PDE4D: variants seen among roughly 807,000 people sequenced by gnomAD.
PDE4D encodes 3',5'-cyclic-AMP phosphodiesterase 4D.
A neutral mutation model predicts 87.4 loss-of-function variants in PDE4D; 24 were observed. The ratio of observed to expected loss-of-function variants is 0.27; its 90% CI spans 0.20 to 0.39. The LOEUF is 0.39. Ranked by LOEUF, PDE4D falls within the 10% of genes least tolerant of loss-of-function variation. PDE4D has a pLI of 1.00. For missense variants in PDE4D, 714 were observed against 1,041.0 expected (o/e 0.69, Z 4.32); for synonymous variants, 384 against 383.2 (o/e 1.00, Z -0.02).
rs187669950 is a variant in PDE4D, at chr5:59,977,726, G to A, written c.272+10762C>T. ...ACAAAATAGCCTTCTATTGGGAGAA[G>A]ATACCATCTACAACTTTCATAGCTA... On this transcript the variant is annotated intron_variant, in intron 3 of 16. Coordinates refer to the PDE4D transcript ENST00000502484. 2.6e-5 allele frequency among the ~76,000 whole-genome samples: 4 copies of A among 152,318 alleles called. No individual in the cohort carries two copies. In the East Asian group the frequency reaches 7.7e-4, roughly 29 times the overall value.
intron 2 of PDE4D, among the ~76,000 whole-genome samples, chr5:60,112,972 T>A (rs1395969042): frequency 1.3e-5 from 2 of 152,082 alleles, no homozygotes; most frequent in African/African-American, 4.8e-5. Context: ...AGGGTGAGGG[T>A]TGGGCATCCA....
chr5:60,156,131 G>T (rs1399472613), intron 2 of PDE4D, among the ~76,000 whole-genome samples: 3 of 152,154 alleles, frequency 2.0e-5, no homozygotes, highest in African/African-American at 7.2e-5. Flanking sequence ...TGGAACCTGG[G>T]CTAGCCACAG....
intron 2 of PDE4D, among the ~76,000 whole-genome samples, chr5:60,110,223 T>C (rs1239888461): frequency 6.6e-6 from 1 of 152,006 alleles, no homozygotes; most frequent in Admixed American, 6.6e-5. Context: ...CAATCAACAG[T>C]GTGAAGAGAC....
chr5:59,257,001 A>G (rs2153532983), intron 1 of PDE4D, among the ~76,000 whole-genome samples: 1 of 152,184 alleles, frequency 6.6e-6, no homozygotes, highest in East Asian at 1.9e-4. Context: ...ATTATGCTCC[A>G]TTTTGTATAA....
chr5:60,177,622 G>T (rs1323911907), intron 2 of PDE4D, among the ~76,000 whole-genome samples: 3 of 152,090 alleles, frequency 2.0e-5, no homozygotes, highest in Non-Finnish European at 2.9e-5. Flanking sequence ...CATTTGTTAG[G>T]TTAAGAAGAA....
At chr5:60,019,719 G>A (rs1765854792) in intron 2 of PDE4D, among the ~76,000 whole-genome samples, 1 of 152,136 alleles carries the variant, frequency 6.6e-6, no homozygotes, top group Non-Finnish European at 1.5e-5. Context: ...TTAGGCTTTG[G>A]TTTAAGGGAA....
Position 59,327,730 on chromosome 5 carries a change from A to C in PDE4D, c.456-111762T>G, listed in dbSNP as rs560870210. ...TCTCAATTTTCTTTCCAAAAGCATA[A>C]GGGAGAGAAATGAAAAGATGATTTG... On this transcript the variant is annotated intron_variant, in intron 1 of 14. Coordinates refer to ENST00000340635, the MANE Select transcript of PDE4D (RefSeq NM_001104631.2). Among the ~76,000 whole-genome samples the C allele has an allele frequency of 9.2e-5, 14 of 152,288 alleles. 1 individual carries two copies. The South Asian group carries it at 2.9e-3, about 32-fold the overall frequency.
Position 59,753,324 on chromosome 5 carries a change from T to C in PDE4D, c.455+139844A>G, listed in dbSNP as rs554793450. 2.4e-4 allele frequency among the ~76,000 whole-genome samples: 36 copies of C among 152,064 alleles called. No individual in the cohort carries two copies. In the South Asian group the frequency reaches 6.9e-3, roughly 29 times the overall value. On this transcript the variant is annotated intron_variant, in intron 1 of 14. Transcript: ENST00000340635. ...AAGAGATAATAGGTGAAATAATCCA[T>C]AGGCCTAGGCAGAAGGAGGGCAAGG...
intron 1 of PDE4D, among the ~76,000 whole-genome samples, chr5:59,383,477 T>C (rs899146506): frequency 2.0e-5 from 3 of 152,176 alleles, no homozygotes; most frequent in African/African-American, 7.2e-5. Context: ...TGTATTGAAC[T>C]CCCCTGCTAT....
chr5:60,218,292 A>T (rs1233709421), intron 1 of PDE4D, among the ~76,000 whole-genome samples: 1 of 152,062 alleles, frequency 6.6e-6, no homozygotes, highest in African/African-American at 2.4e-5. Context: ...TATGAAGAAC[A>T]AGAACAGGCA....
At chr5:59,220,522 T>TTA (rs1752320960) in intron 1 of PDE4D, among the ~76,000 whole-genome samples, 1 of 151,970 alleles carries the variant, frequency 6.6e-6, no homozygotes, top group Non-Finnish European at 1.5e-5. Context: ...GGGGTTTGCC[T>TTA]TGAGTAGGGA....
At chr5:59,624,428 G>C (rs1334418518) in intron 1 of PDE4D, among the ~76,000 whole-genome samples, 1 of 151,828 alleles carries the variant, frequency 6.6e-6, no homozygotes, top group Admixed American at 6.6e-5. Context: ...TCCTCCCTTT[G>C]CTTTACCCCT....
chr5:59,859,799 A>T (rs1441315732), intron 1 of PDE4D, among the ~76,000 whole-genome samples: 2 of 152,212 alleles, frequency 1.3e-5, no homozygotes, highest in Non-Finnish European at 2.9e-5. Flanking sequence ...ATCAGGGAAG[A>T]TGAGCTCCTG....
chr5:58,994,207 T>C (rs575217718), intron 6 of PDE4D, among the ~76,000 whole-genome samples: 1 of 152,194 alleles, frequency 6.6e-6, no homozygotes, highest in Non-Finnish European at 1.5e-5. Context: ...AACAGGTCAA[T>C]TTTCAACAAT....
chr5:59,861,287 C>T (rs541251633), intron 1 of PDE4D, among the ~76,000 whole-genome samples: 16 of 152,152 alleles, frequency 1.1e-4, no homozygotes, highest in African/African-American at 3.6e-4. Context: ...AATCAATAAG[C>T]CTAATTTTTT....
At chr5:59,846,632 G>T (rs557101276) in intron 1 of PDE4D, among the ~76,000 whole-genome samples, 13 of 152,104 alleles carry the variant, frequency 8.5e-5, no homozygotes, top group African/African-American at 3.1e-4. Context: ...GAAGATATTT[G>T]CCTGGTGTCT....
chr5:59,128,149 G>A (rs191982856), intron 5 of PDE4D, among the ~76,000 whole-genome samples: 62 of 151,704 alleles, frequency 4.1e-4, no homozygotes, highest in Middle Eastern at 3.4e-3. Flanking sequence ...CTATTCCCCC[G>A]ACACAGTGGC....
At chr5:60,019,860 T>C (rs1765868577) in intron 2 of PDE4D, among the ~76,000 whole-genome samples, 1 of 152,218 alleles carries the variant, frequency 6.6e-6, no homozygotes, top group Admixed American at 6.5e-5. Flanking sequence ...AAGAACTTCT[T>C]TGCTTCAAGA....
chr5:59,628,110 TG>T (rs1174251628), intron 1 of PDE4D, among the ~76,000 whole-genome samples: 1 of 152,206 alleles, frequency 6.6e-6, no homozygotes, highest in Non-Finnish European at 1.5e-5. Flanking sequence ...TAAATGTTAA[TG>T]GGACTCTCAA....
Sources: gnomAD v4.1 joint callset for allele counts (sites outside exome capture counted in the v4.1 genomes callset) on GRCh38, gnomAD v4.1.1 for gene constraint, MANE v1.5 for transcripts, NCBI Gene and HGNC (gene_info 2026-07-23, HGNC 2026-07-21) for gene names.